CKAP5: variants seen among roughly 807,000 people sequenced by gnomAD.
CKAP5 encodes cytoskeleton associated protein 5, also known as cytoskeleton-associated protein 5.
Under a neutral mutation model 232.8 loss-of-function variants are expected in CKAP5, and 27 were observed. That is an observed-to-expected ratio of 0.12 (90% confidence interval 0.09 to 0.16). The LOEUF is 0.16. CKAP5 is among the 10% of genes least tolerant of loss of function. CKAP5 has a pLI of 1.00. For missense variants in CKAP5, 1,838 were observed against 2,424.7 expected (o/e 0.76, Z 5.08); for synonymous variants, 785 against 841.1 (o/e 0.93, Z 1.16).
At chr11:46,778,640 A>G (rs1223924855) in intron 20 of CKAP5, 41 bp from the exon 21 acceptor site, 1 of 1,570,474 alleles carries the variant, frequency 6.4e-7, no homozygotes, top group South Asian at 1.1e-5. Flanking sequence ...AAATTTATAT[A>G]GGATATGGGA....
chr11:46,811,012 C>A lies in CKAP5; in HGVS notation c.625G>T (p.Val209Phe), dbSNP rs1228206028. The change falls in exon 5 of 44, where the codon GTT becomes TTT. Residue 209 changes from valine (V) to phenylalanine (F), a missense_variant. Val to Phe is a conservative substitution (Grantham distance 50, BLOSUM62 -1). This residue lies in a region of CKAP5 where 285 missense variants were observed against 300.0 expected (regional missense o/e 0.95). Transcript: ENST00000529230. ...LRPPLQNINS[V>F]QLKELEEEWV... The stretch of plus-strand genomic sequence containing the variant: ...CAGAAAACTTTTTGTCTCACCTGAA[C>A]AGAGTTTATATTTTGTAATGGGGGT... The A allele has an allele frequency of 1.2e-6, 2 of 1,608,166 alleles. No homozygotes were observed. The highest frequency in any genetic ancestry group is 1.7e-6 in the Non-Finnish European group (2 of 1,177,890).
Position 46,744,421 on chromosome 11 carries a change from A to G in CKAP5, c.5856+5T>C, listed in dbSNP as rs1200923760. 1.2e-5 allele frequency: 19 copies of G among 1,614,164 alleles called. No homozygotes were observed. The highest frequency in any genetic ancestry group is 1.6e-5 in the Non-Finnish European group (19 of 1,180,012). On this transcript the variant is annotated splice_donor_5th_base_variant and intron_variant, in intron 43 of 43. Coordinates refer to ENST00000529230, the MANE Select transcript of CKAP5 (RefSeq NM_001008938.4). ...CTGAACTGCACAGAAGAAAAGGAGC[A>G]GTACCTTTGTGTTGTCCAGACCACA...
rs1437666901 is a variant in CKAP5, at chr11:46,762,177, C to T, written c.4044G>A (p.Leu1348=). The T allele has an allele frequency of 6.2e-7, 1 of 1,613,718 alleles. No individual in the cohort carries two copies. The highest frequency in any genetic ancestry group is 1.1e-5 in the South Asian group (1 of 91,042). Residue 1348 remains leucine (L), a synonymous_variant, in exon 32 of 44, where the codon CTG becomes CTA. Transcript: ENST00000529230. ...TGCCATAGGACTCAACCAGACATCC[C>T]AGCTCTTCCAGGCACTCTGATGGGG... ...SKQRAECLEE[L]GCLVESYGMN... is the part of the protein sequence containing the mutation.
intron 1 of CKAP5, among the ~76,000 whole-genome samples, chr11:46,822,528 C>T (rs549516826): frequency 6.6e-6 from 1 of 151,964 alleles, no homozygotes; most frequent in Admixed American, 6.6e-5. Flanking sequence ...CCGAGCCGGG[C>T]GGATCACGAG....
At chr11:46,810,094 C>T (rs1366123870) in intron 5 of CKAP5, among the ~76,000 whole-genome samples, 2 of 151,854 alleles carry the variant, frequency 1.3e-5, no homozygotes, top group Non-Finnish European at 2.9e-5. Context: ...GCCTCAGCCT[C>T]TCGAGTGGCT....
intron 8 of CKAP5, among the ~76,000 whole-genome samples, chr11:46,802,531 AAGACAGAC>A (rs1179976752): frequency 1.2e-4 from 18 of 146,260 alleles, no homozygotes; most frequent in Admixed American, 1.1e-3. Flanking sequence ...GTACCAGAGC[AAGACAGAC>A]AGACAGACAG....
intron 34 of CKAP5, 110 bp from the exon 35 acceptor site, chr11:46,759,153 A>T: frequency 6.6e-7 from 1 of 1,504,226 alleles, no homozygotes; most frequent in Admixed American, 2.0e-5. Flanking sequence ...AACTGCTATC[A>T]TTCAAAAAAT....
Position 46,767,677 on chromosome 11 carries a change from A to AAT in CKAP5, c.3323-16_3323-15dup, listed in dbSNP as rs1281906096. The AAT allele has an allele frequency of 9.8e-6, 15 of 1,524,238 alleles. No homozygotes were observed. Among genetic ancestry groups the AAT allele is most frequent in the Admixed American group, 6.8e-5 (4 of 58,510 alleles). 94.4% of individuals were successfully genotyped at this position (1,524,238 alleles called of 1,614,324 possible). The stretch of plus-strand genomic sequence containing the variant: ...CTTCAGCAGGTGCTTTGAGGAAAAA[A>AAT]ATATATATATACTATAAACTTTAAC... On this transcript the variant is annotated splice_polypyrimidine_tract_variant and intron_variant, in intron 26 of 43. Coordinates refer to ENST00000529230, the MANE Select transcript of CKAP5 (RefSeq NM_001008938.4).
At chr11:46,841,730 G>A (rs1454406222) in intron 1 of CKAP5, among the ~76,000 whole-genome samples, 1 of 152,178 alleles carries the variant, frequency 6.6e-6, no homozygotes, top group Non-Finnish European at 1.5e-5. Context: ...GCTCGGCACG[G>A]TGGCTCACGC....
chr11:46,776,194 C>G, intron 24 of CKAP5, 61 bp downstream of exon 24: 1 of 1,488,154 alleles, frequency 6.7e-7, no homozygotes, highest in Non-Finnish European at 9.2e-7. Flanking sequence ...ATCAGACAGG[C>G]CCAAGCCCCT....
chr11:46,841,426 TA>T (rs1356624443), intron 1 of CKAP5, among the ~76,000 whole-genome samples: 1 of 152,178 alleles, frequency 6.6e-6, no homozygotes, highest in Non-Finnish European at 1.5e-5. Context: ...ATAAACTTAT[TA>T]AAGTTTCTTA....
intron 24 of CKAP5, among the ~76,000 whole-genome samples, chr11:46,774,411 G>A (rs775744440): frequency 2.0e-5 from 3 of 152,150 alleles, no homozygotes; most frequent in Non-Finnish European, 4.4e-5. Context: ...TGGCCATACT[G>A]CCTGAAGTAA....
chr11:46,752,014 C>A (rs2065068085), intron 38 of CKAP5, among the ~76,000 whole-genome samples: 1 of 151,488 alleles, frequency 6.6e-6, no homozygotes, highest in African/African-American at 2.4e-5. Context: ...TAAATGAAAT[C>A]TGTTTCAAAC....
rs575359336 is a variant in CKAP5 at position 46,842,892 on chromosome 11, G to A, written c.-38+3328C>T. Among the ~76,000 whole-genome samples, 9 of 151,040 alleles carry A rather than the reference G, an allele frequency of 6.0e-5. No homozygotes were observed. The East Asian group carries it at 1.8e-3, about 30-fold the overall frequency. ...TGAGGCAGGAGAATGGCGTGAACCT[G>A]GGAGGCGGAGCTTGCAGTGAGCCGA... On this transcript the variant is annotated intron_variant, in intron 1 of 43. Transcript: ENST00000529230.
intron 16 of CKAP5, among the ~76,000 whole-genome samples, chr11:46,786,129 A>G (rs1390619140): frequency 1.3e-5 from 2 of 152,250 alleles, no homozygotes; most frequent in Non-Finnish European, 2.9e-5. Context: ...GAACACTGGC[A>G]AAAACTATCC....
intron 17 of CKAP5, 62 bp from the exon 18 acceptor site, chr11:46,783,430 G>T: frequency 1.9e-6 from 2 of 1,049,412 alleles, no homozygotes; most frequent in South Asian, 1.3e-5. Context: ...AATACAGCAT[G>T]ACATTAAGGC....
intron 1 of CKAP5, among the ~76,000 whole-genome samples, chr11:46,824,775 C>G (rs1411685658): frequency 6.6e-6 from 1 of 152,140 alleles, no homozygotes; most frequent in African/African-American, 2.4e-5. Flanking sequence ...ATTTTATAAA[C>G]AGATATAAGA....
intron 1 of CKAP5, among the ~76,000 whole-genome samples, chr11:46,841,323 G>A (rs1376165873): frequency 6.6e-6 from 1 of 151,936 alleles, no homozygotes; most frequent in African/African-American, 2.4e-5. Context: ...CACAGCTAGT[G>A]TCCACTGCTG....
At position 46,796,661 on chromosome 11, in the gene CKAP5, T is replaced by TACCAGAAA. The variant is rs1456177141; in HGVS notation, c.1467+150_1467+151insTTTCTGGT. On this transcript the variant is annotated intron_variant, in intron 12 of 43. Coordinates refer to ENST00000529230, the MANE Select transcript of CKAP5 (RefSeq NM_001008938.4). ...CATCCTCCAAAACTTGTTTCAATTA[T>TACCAGAAA]GCATTTCTTTCCTACTATAAATGGC... The TACCAGAAA allele has an allele frequency of 1.2e-4, 95 of 770,470 alleles. No homozygotes were observed. The African/African-American group carries it at 1.4e-3, about 12-fold the overall frequency. 47.7% of individuals were successfully genotyped at this position (770,470 alleles called of 1,614,324 possible).
Sources: allele counts gnomAD v4.1 joint callset (sites outside exome capture counted in the v4.1 genomes callset), GRCh38; gene constraint gnomAD v4.1.1; regional missense constraint gnomAD v4.1.1; transcripts MANE v1.5; gene names NCBI Gene and HGNC (gene_info 2026-07-23, HGNC 2026-07-21).